Variants in SLCO1C1 observed in about 807,000 individuals in gnomAD.
SLCO1C1 encodes solute carrier organic anion transporter family member 1C1, also known as OAT-RP-5.
A neutral mutation model predicts 76.4 loss-of-function variants in SLCO1C1; 70 were observed. The ratio of observed to expected loss-of-function variants is 0.92; its 90% confidence interval spans 0.76 to 1.12. The LOEUF (loss-of-function observed/expected upper bound fraction) is 1.12. Among genes scored for constraint, SLCO1C1 ranks in the 50% most tolerant of loss-of-function variants. The pLI is 0.00. For synonymous variants in SLCO1C1, 306 were observed against 286.1 expected, an observed-to-expected ratio of 1.07 and a Z score of -0.70; for missense variants, 912 against 823.8, an observed-to-expected ratio of 1.11 and a Z score of -1.31.
chr12:20,735,693 A>G (rs532898243), intron 10 of SLCO1C1, among the ~76,000 whole-genome samples: 1 of 152,296 alleles, frequency 6.6e-6, no homozygotes, highest in South Asian at 2.1e-4. Flanking sequence ...GACAAAATTC[A>G]TCATACCAGT....
chr12:20,752,693 C>T lies in SLCO1C1; in HGVS notation c.*165C>T, dbSNP rs953001. ...TAATATAACTGATAATATACTGAAA[C>T]ATATAATGGAAGATGCAGATGATAA... On this transcript the variant is annotated 3_prime_UTR_variant, in exon 15 of 15. Transcript: ENST00000266509. 221,771 of 445,050 alleles carry T rather than the reference C, an allele frequency of 0.5. 57,884 individuals carry two copies. The highest frequency in any genetic ancestry group is 0.62 in the East Asian group (18,252 of 29,634). The allele number at this position is 445,050 out of a possible 1,614,324, so 27.6% of individuals were successfully genotyped here.
chr12:20,716,268 A>G (rs930704455), intron 6 of SLCO1C1, among the ~76,000 whole-genome samples: 4 of 152,156 alleles, frequency 2.6e-5, no homozygotes, highest in Non-Finnish European at 5.9e-5. Context: ...CAAACACTTC[A>G]TCACCTGCAC....
intron 9 of SLCO1C1, among the ~76,000 whole-genome samples, chr12:20,730,690 C>T (rs1230463436): frequency 1.3e-5 from 2 of 152,098 alleles, no homozygotes; most frequent in African/African-American, 2.4e-5. Flanking sequence ...GATCATGCCC[C>T]CTTTAAGGTG....
Position 20,699,634 on chromosome 12 carries a change from G to T in SLCO1C1, c.58G>T (p.Val20Phe), listed in dbSNP as rs1447267071. 1 of 1,612,426 alleles carries T rather than the reference G, an allele frequency of 6.2e-7. No homozygotes were observed. Among genetic ancestry groups the T allele is most frequent in the Non-Finnish European group, 8.5e-7 (1 of 1,179,136 alleles). The change falls in exon 2 of 15, where the codon GTT (valine) becomes TTT (phenylalanine). Residue 20 changes from valine (V) to phenylalanine (F), a missense_variant. Val to Phe is a conservative substitution (Grantham distance 50, BLOSUM62 -1). Transcript: ENST00000266509. ...GTTCTGCAAAACTTCAGTGCAACCT[G>T]TTGGAAGGCCTTCTTTTAAAACAGA... ...QLFCKTSVQP[V>F]GRPSFKTEYP...
intron 14 of SLCO1C1, 43 bp downstream of exon 14, chr12:20,750,835 C>T (rs763967166): frequency 1.2e-6 from 2 of 1,613,846 alleles, no homozygotes; most frequent in Non-Finnish European, 1.7e-6. Flanking sequence ...GCTACAGCAT[C>T]CCAGATTTAC....
intron 11 of SLCO1C1, among the ~76,000 whole-genome samples, chr12:20,737,593 T>C (rs1948608983): frequency 6.6e-6 from 1 of 152,182 alleles, no homozygotes; most frequent in Non-Finnish European, 1.5e-5. Context: ...TAAGATATGC[T>C]TTCAGATCCA....
At chr12:20,750,178 T>G (rs1949229015) in intron 13 of SLCO1C1, among the ~76,000 whole-genome samples, 1 of 152,162 alleles carries the variant, frequency 6.6e-6, no homozygotes, top group African/African-American at 2.4e-5. Context: ...AGAAGGTTAA[T>G]GAATGAAGCC....
chr12:20,752,309 T>G lies in SLCO1C1; in HGVS notation c.1920T>G (p.His640Gln). 1 of 1,561,524 alleles carries G rather than the reference T, an allele frequency of 6.4e-7. No individual in the cohort carries two copies. Among genetic ancestry groups the G allele is most frequent in the Non-Finnish European group, 8.7e-7 (1 of 1,148,854 alleles). ...CAGAGATTCTCTCTTCTTCTAGACA[T>G]ATATATCTGGGACTAACTGTGATAC... The part of the protein sequence containing the change: ...CRLYDSNVFR[H>Q]IYLGLTVILG... Residue 640 changes from histidine (H) to glutamine (Q), a missense_variant, in exon 15 of 15, where the codon CAT (histidine) becomes CAG (glutamine). Coordinates refer to ENST00000266509, the MANE Select transcript of SLCO1C1 (RefSeq NM_017435.5).
chr12:20,731,703 T>C (rs1209964130), intron 9 of SLCO1C1, among the ~76,000 whole-genome samples: 1 of 152,206 alleles, frequency 6.6e-6, no homozygotes, highest in Non-Finnish European at 1.5e-5. Context: ...TACTTATTGT[T>C]GAGTGCCAGA....
intron 7 of SLCO1C1, among the ~76,000 whole-genome samples, chr12:20,718,037 A>T (rs1947470325): frequency 6.6e-6 from 1 of 152,188 alleles, no homozygotes; most frequent in African/African-American, 2.4e-5. Context: ...AATGTTATTT[A>T]TTCATTCATT....
chr12:20,715,706 C>T (rs1275301524), intron 6 of SLCO1C1, among the ~76,000 whole-genome samples: 2 of 152,062 alleles, frequency 1.3e-5, no homozygotes, highest in Non-Finnish European at 2.9e-5. Flanking sequence ...TTGATAAGCC[C>T]TGATTATTTA....
At chr12:20,726,311 G>C (rs1238732477) in intron 9 of SLCO1C1, among the ~76,000 whole-genome samples, 3 of 151,036 alleles carry the variant, frequency 2.0e-5, no homozygotes, top group Non-Finnish European at 4.4e-5. Context: ...ATATGAGATA[G>C]ATACAAAGAA....
chr12:20,700,599 TCCC>T (rs1026953208), intron 2 of SLCO1C1, among the ~76,000 whole-genome samples: 2 of 151,680 alleles, frequency 1.3e-5, no homozygotes, highest in African/African-American at 4.8e-5. Flanking sequence ...CCCTCCCCGC[TCCC>T]CCAATCCCCC....
chr12:20,723,316 C>T (rs1053493608), intron 9 of SLCO1C1, 62 bp downstream of exon 9: 11 of 1,541,562 alleles, frequency 7.1e-6, no homozygotes, highest in African/African-American at 4.2e-5. Context: ...CTGATTAACT[C>T]GGGAATCTTC....
At chr12:20,746,258 T>C (rs35495502) in intron 13 of SLCO1C1, among the ~76,000 whole-genome samples, 13,516 of 152,062 alleles carry the variant, frequency 0.089, 774 homozygotes, top group Non-Finnish European at 0.13. Context: ...TTGAAATACA[T>C]AGAATATATT....
At chr12:20,714,682 G>T (rs942526556) in intron 5 of SLCO1C1, among the ~76,000 whole-genome samples, 6 of 151,868 alleles carry the variant, frequency 4.0e-5, no homozygotes, top group African/African-American at 1.5e-4. Flanking sequence ...GATAAAACTG[G>T]GTCAACAATA....
At chr12:20,739,321 ATAGG>A (rs1349326030) in intron 11 of SLCO1C1, among the ~76,000 whole-genome samples, 1 of 152,122 alleles carries the variant, frequency 6.6e-6, no homozygotes, top group African/African-American at 2.4e-5. Flanking sequence ...GGATATCCTG[ATAGG>A]TAGTAAGAAG....
rs1431726049 is a variant in SLCO1C1, at chr12:20,740,123, C to A, written c.1549-61C>A. 7 of 1,424,408 alleles carry A rather than the reference C, an allele frequency of 4.9e-6. No individual in the cohort carries two copies. In the Admixed American group the frequency reaches 6.8e-5, roughly 14 times the overall value. 88.2% of individuals were successfully genotyped at this position (1,424,408 alleles called of 1,614,324 possible). A position where few individuals can be genotyped will look rare whatever the true frequency, so the allele number is the denominator to read the frequency against. On this transcript the variant is annotated intron_variant, in intron 11 of 14. Coordinates refer to ENST00000266509, the MANE Select transcript of SLCO1C1 (RefSeq NM_017435.5). The stretch of plus-strand genomic sequence containing the variant: ...GCTACGGTAAACATTTTTAACATAA[C>A]TGTCTTTAACTTTATTTAAATGTTA...
At chr12:20,742,059 T>A (rs10841600) in intron 12 of SLCO1C1, among the ~76,000 whole-genome samples, 1 of 152,180 alleles carries the variant, frequency 6.6e-6, no homozygotes, top group Non-Finnish European at 1.5e-5. Flanking sequence ...AACCTGCTAT[T>A]CTCAAAACAG....
Sources: gnomAD v4.1 joint callset for allele counts (sites outside exome capture counted in the v4.1 genomes callset) on GRCh38, gnomAD v4.1.1 for gene constraint, MANE v1.5 for transcripts, NCBI Gene and HGNC (gene_info 2026-07-23, HGNC 2026-07-21) for gene names.